The following GPC5 variants were observed in gnomAD, a reference collection of about 807,000 sequenced individuals.
GPC5 encodes glypican-5.
Under a neutral mutation model 53.9 loss-of-function variants are expected in GPC5, and 47 were observed. The observed-to-expected ratio is 0.87, with a 90% CI of 0.69 to 1.11. The LOEUF is 1.11. GPC5 is among the 50% of genes most tolerant of loss of function. GPC5 has a pLI of 0.00. For synonymous variants in GPC5, 286 were observed against 263.3 expected (o/e 1.09, Z -0.84); for missense variants, 748 against 713.1 (o/e 1.05, Z -0.56).
At chr13:92,161,604 T>A (rs1364952583) in intron 7 of GPC5, among the ~76,000 whole-genome samples, 1 of 152,196 alleles carries the variant, frequency 6.6e-6, no homozygotes, top group African/African-American at 2.4e-5. Flanking sequence ...CAATCATTGG[T>A]ACTTGTGAAT....
chr13:91,693,317 A>G lies in GPC5; in HGVS notation c.456A>G (p.Leu152=), dbSNP rs766646280. 6.2e-7 allele frequency: 1 copy of G among 1,614,002 alleles called. No individual in the cohort carries two copies. Among genetic ancestry groups the G allele is most frequent in the South Asian group, 1.1e-5 (1 of 91,068 alleles). Residue 152 remains leucine, a synonymous_variant, in exon 3 of 8, where the codon TTA becomes TTG. Coordinates refer to ENST00000377067, the MANE Select transcript of GPC5 (RefSeq NM_004466.6). ...QEFFTDVGLY[L]FGADVNPEEF... ...TCTTCACTGATGTGGGGCTGTATTT[A>G]TTTGGTGCGGATGTTAATCCTGAAG...
At chr13:92,144,657 G>T (rs926987219) in intron 6 of GPC5, among the ~76,000 whole-genome samples, 173 bp from the exon 7 acceptor site, 1 of 152,154 alleles carries the variant, frequency 6.6e-6, no homozygotes, top group African/African-American at 2.4e-5. Context: ...GTAAGACTTT[G>T]CCCGCTATTT....
At position 92,695,408 on chromosome 13, in the gene GPC5, T is replaced by C. The variant is rs558023024; in HGVS notation, c.1562-170874T>C. Among the ~76,000 whole-genome samples, 9 of 152,348 alleles carry C rather than the reference T, an allele frequency of 5.9e-5. No homozygotes were observed. In the South Asian group the frequency reaches 1.9e-3, roughly 32 times the overall value. On this transcript the variant is annotated intron_variant, in intron 7 of 7. Transcript: ENST00000377067. Reference sequence around the variant, plus strand: ...TTAACACCCTTGTAAAATTTGCTTATAAGTCCTGATGGCATTGTGTTTATT... The same window carrying C: ...TTAACACCCTTGTAAAATTTGCTTACAAGTCCTGATGGCATTGTGTTTATT...
rs571883030 is a variant in GPC5 at position 92,861,806 on chromosome 13, A to G, written c.1562-4476A>G. Among the ~76,000 whole-genome samples, 49 of 152,284 alleles carry G rather than the reference A, an allele frequency of 3.2e-4. No individual in the cohort carries two copies. The South Asian group carries it at 5.6e-3, about 17-fold the overall frequency. On this transcript the variant is annotated intron_variant, in intron 7 of 7. Transcript: ENST00000377067. Reference sequence around the variant, plus strand: ...TATATAAATAAAAATATAGACCTATATATTTTGTTTACTTCCTCATTATTT... The same window carrying G: ...TATATAAATAAAAATATAGACCTATGTATTTTGTTTACTTCCTCATTATTT...
intron 7 of GPC5, among the ~76,000 whole-genome samples, chr13:92,496,241 T>C (rs144765907): frequency 6.6e-6 from 1 of 152,216 alleles, no homozygotes; most frequent in African/African-American, 2.4e-5. Context: ...ATGAGTATTA[T>C]GTATTCAAAA....
At position 91,693,656 on chromosome 13, in the gene GPC5, G is replaced by T; in HGVS notation, c.795G>T (p.Ala265=). The change falls in exon 3 of 8, where the codon GCG becomes GCT. Residue 265 remains alanine, a synonymous_variant. Transcript: ENST00000377067. Reference sequence around the variant, plus strand: ...ACTGCCCGCACTGCCAAGGCCTGGCGCTCACTAAGCCTTGTATGGGATACT... The same window carrying T: ...ACTGCCCGCACTGCCAAGGCCTGGCTCTCACTAAGCCTTGTATGGGATACT... ...MQYCPHCQGL[A]LTKPCMGYCL... is the part of the protein sequence containing the mutation. 6.2e-7 allele frequency: 1 copy of T among 1,614,018 alleles called. No individual in the cohort carries two copies. Among genetic ancestry groups the T allele is most frequent in the Non-Finnish European group, 8.5e-7 (1 of 1,179,960 alleles).
intron 7 of GPC5, among the ~76,000 whole-genome samples, chr13:92,799,249 A>C (rs946521316): frequency 6.6e-6 from 1 of 151,786 alleles, no homozygotes; most frequent in Non-Finnish European, 1.5e-5. Context: ...CATTCCTTTC[A>C]TCCACTTAAA....
At chr13:92,177,306 C>A (rs898161475) in intron 7 of GPC5, among the ~76,000 whole-genome samples, 2 of 152,184 alleles carry the variant, frequency 1.3e-5, no homozygotes, top group Non-Finnish European at 2.9e-5. Flanking sequence ...TGGGCTTCTG[C>A]ATCTTCACTG....
intron 7 of GPC5, among the ~76,000 whole-genome samples, chr13:92,607,954 G>A (rs1177740531): frequency 1.3e-5 from 2 of 152,116 alleles, no homozygotes; most frequent in Non-Finnish European, 2.9e-5. Flanking sequence ...AGATAATGAG[G>A]ATGAAGACCT....
At chr13:92,822,675 C>T (rs886125225) in intron 7 of GPC5, among the ~76,000 whole-genome samples, 2 of 151,976 alleles carry the variant, frequency 1.3e-5, no homozygotes, top group Admixed American at 6.6e-5. Context: ...CTGTTGTTTC[C>T]CAAGGCAATA....
At chr13:92,371,292 A>G (rs988009711) in intron 7 of GPC5, among the ~76,000 whole-genome samples, 3 of 152,168 alleles carry the variant, frequency 2.0e-5, no homozygotes, top group African/African-American at 7.2e-5. Flanking sequence ...TTTGGCTTCC[A>G]TATTCTTTAT....
intron 7 of GPC5, among the ~76,000 whole-genome samples, chr13:92,667,891 C>G (rs1188265322): frequency 6.6e-6 from 1 of 152,110 alleles, no homozygotes; most frequent in Non-Finnish European, 1.5e-5. Flanking sequence ...GGCATATTTT[C>G]TAGGGATTTC....
At chr13:92,647,875 C>A (rs141654337) in intron 7 of GPC5, among the ~76,000 whole-genome samples, 189 of 151,966 alleles carry the variant, frequency 1.2e-3, no homozygotes, top group African/African-American at 4.3e-3. Context: ...TGTTAGGGGT[C>A]CAGGCATTTT....
intron 2 of GPC5, among the ~76,000 whole-genome samples, chr13:91,563,177 G>A (rs956624875): frequency 3.2e-4 from 49 of 151,876 alleles, no homozygotes; most frequent in Non-Finnish European, 6.6e-4. Flanking sequence ...ACAAAAATTG[G>A]CACATTATTA....
chr13:92,055,825 G>A (rs2138845204), intron 6 of GPC5, among the ~76,000 whole-genome samples: 1 of 152,258 alleles, frequency 6.6e-6, no homozygotes, highest in African/African-American at 2.4e-5. Flanking sequence ...TTATGTATCT[G>A]TGATGCATCA....
chr13:92,363,934 C>G (rs1337385965), intron 7 of GPC5, among the ~76,000 whole-genome samples: 3 of 151,662 alleles, frequency 2.0e-5, no homozygotes, highest in African/African-American at 4.9e-5. Flanking sequence ...AATGCCGAAA[C>G]AGTGATTATA....
chr13:92,830,808 A>G (rs1055019617), intron 7 of GPC5, among the ~76,000 whole-genome samples: 1 of 152,164 alleles, frequency 6.6e-6, no homozygotes, highest in Non-Finnish European at 1.5e-5. Flanking sequence ...GCAAGTATCA[A>G]CCGCAGATAA....
intron 2 of GPC5, among the ~76,000 whole-genome samples, chr13:91,504,441 CAGT>C (rs1230738389): frequency 1.3e-5 from 2 of 151,712 alleles, no homozygotes; most frequent in African/African-American, 2.4e-5. Flanking sequence ...AGTTATTAGA[CAGT>C]AGAATTATTA....
chr13:92,159,593 C>CTTTTTTTTTTTTTTTTTTTTT (rs71120074), intron 7 of GPC5, among the ~76,000 whole-genome samples: 1 of 57,218 alleles, frequency 1.7e-5, no homozygotes, highest in African/African-American at 6.4e-5. Context: ...TACCAATGTT[C>CTTTTTTTTTTTTTTTTTTTTT]TTTTTTTTTT....
Sources: allele counts gnomAD v4.1 joint callset (sites outside exome capture counted in the v4.1 genomes callset), GRCh38; gene constraint gnomAD v4.1.1; transcripts MANE v1.5; gene names NCBI Gene and HGNC (gene_info 2026-07-23, HGNC 2026-07-21).